BRDT: variants seen among roughly 807,000 people sequenced by gnomAD.
BRDT encodes the protein bromodomain testis associated, also known as bromodomain testis-specific protein.
In BRDT, 77 loss-of-function variants were observed where a neutral mutation model predicts 113.9. That is an observed-to-expected ratio of 0.68 (90% CI 0.56 to 0.82). The LOEUF (loss-of-function observed/expected upper bound fraction) is 0.82. Ranked by LOEUF, BRDT falls within the 40% of genes least tolerant of loss-of-function variation. The pLI is 0.00. For synonymous variants in BRDT, 358 were observed against 366.5 expected (o/e 0.98, Z 0.26); for missense variants, 1,027 against 1,105.4 (o/e 0.93, Z 1.01).
At chr1:91,992,664 T>C (rs890686493) in intron 14 of BRDT, among the ~76,000 whole-genome samples, 1 of 151,966 alleles carries the variant, frequency 6.6e-6, no homozygotes, top group Non-Finnish European at 1.5e-5. Flanking sequence ...GTCTCCGGAG[T>C]AGCTGAGACC....
At position 91,977,391 on chromosome 1, in the gene BRDT, A is replaced by G; in HGVS notation, c.967A>G (p.Lys323Glu). The G allele has an allele frequency of 1.3e-6, 2 of 1,549,974 alleles. No individual in the cohort carries two copies. Among genetic ancestry groups the G allele is most frequent in the Non-Finnish European group, 1.7e-6 (2 of 1,149,424 alleles). The change falls in exon 6 of 19, where the codon AAG becomes GAG. Residue 323 changes from lysine (K) to glutamate (E), a missense_variant and splice_region_variant. Transcript: ENST00000399546. ...AAATCCGATGGATCTTGGAACTATT[A>G]AGGTAAATGTTGCCTTAAAAGGAAG... Reference protein sequence around the residue: ...VKNPMDLGTIKEKMDNQEYKD... With the variant: ...VKNPMDLGTIEEKMDNQEYKD...
At chr1:91,968,816 A>G (rs1683328188) in intron 4 of BRDT, among the ~76,000 whole-genome samples, 1 of 152,220 alleles carries the variant, frequency 6.6e-6, no homozygotes, top group Non-Finnish European at 1.5e-5. Flanking sequence ...TCAAGAGTGT[A>G]GTAAATGTTG....
intron 18 of BRDT, among the ~76,000 whole-genome samples, chr1:92,007,761 A>G (rs1687455705): frequency 2.0e-5 from 3 of 152,162 alleles, no homozygotes; most frequent in Admixed American, 2.0e-4. Context: ...AGTTACTTCC[A>G]TTCCTCCCCG....
At chr1:92,005,503 TC>T (rs1216968412) in intron 18 of BRDT, among the ~76,000 whole-genome samples, 1 of 152,096 alleles carries the variant, frequency 6.6e-6, no homozygotes. Context: ...AGAGTATTGA[TC>T]CTGGAAGTAC....
intron 18 of BRDT, among the ~76,000 whole-genome samples, chr1:92,010,815 GCTT>G (rs1439637195): frequency 4.6e-5 from 7 of 152,100 alleles, no homozygotes; most frequent in Admixed American, 2.0e-4. Context: ...GTTTTAATGT[GCTT>G]CTCTGCTAAT....
chr1:91,963,697 T>C (rs1344393241), intron 2 of BRDT, among the ~76,000 whole-genome samples: 1 of 151,994 alleles, frequency 6.6e-6, no homozygotes, highest in Non-Finnish European at 1.5e-5. Context: ...GGAGTCAGAC[T>C]CCATAAAAAC....
At chr1:91,996,563 G>A (rs1327034447) in intron 15 of BRDT, among the ~76,000 whole-genome samples, 3 of 152,008 alleles carry the variant, frequency 2.0e-5, no homozygotes, top group Admixed American at 6.6e-5. Flanking sequence ...TTTATAATAG[G>A]GAAAAAATTG....
chr1:91,973,356 T>C (rs902471461), intron 4 of BRDT, among the ~76,000 whole-genome samples: 3 of 152,136 alleles, frequency 2.0e-5, no homozygotes, highest in Non-Finnish European at 4.4e-5. Flanking sequence ...GCATTGAATC[T>C]ATAAATTACC....
chr1:91,992,769 T>C (rs1252725169), intron 14 of BRDT, among the ~76,000 whole-genome samples: 1 of 152,142 alleles, frequency 6.6e-6, no homozygotes, highest in African/African-American at 2.4e-5. Context: ...CTCCAGACTT[T>C]AGGTGACCCA....
chr1:91,995,649 T>C (rs1174179616), intron 15 of BRDT, among the ~76,000 whole-genome samples: 1 of 151,120 alleles, frequency 6.6e-6, no homozygotes, highest in Non-Finnish European at 1.5e-5. Flanking sequence ...AGTTTTTTTT[T>C]TTTTTGAGAC....
rs144079555 is a variant in BRDT, at chr1:91,992,755, C to T, written c.2115+441C>T. 8.3e-3 allele frequency among the ~76,000 whole-genome samples: 1,271 copies of T among 152,234 alleles called. 19 individuals carry two copies. Among genetic ancestry groups the T allele is most frequent in the African/African-American group, 0.029 (1,201 of 41,530 alleles). ...TTCACCATGTTGGCCAAGCTGGTCT[C>T]GAACTCCAGACTTTAGGTGACCCAC... On this transcript the variant is annotated intron_variant, in intron 14 of 18. Coordinates refer to ENST00000399546, the MANE Select transcript of BRDT (RefSeq NM_207189.4).
chr1:92,007,900 CA>C (rs1687471445), intron 18 of BRDT, among the ~76,000 whole-genome samples: 1 of 132,454 alleles, frequency 7.5e-6, no homozygotes, highest in South Asian at 2.2e-4. Context: ...TTTATTTATT[CA>C]TTCATTCATT....
At chr1:91,957,855 T>C (rs1423861821) in intron 1 of BRDT, among the ~76,000 whole-genome samples, 2 of 152,216 alleles carry the variant, frequency 1.3e-5, no homozygotes, top group African/African-American at 2.4e-5. Flanking sequence ...GTTTTTGTTT[T>C]TGTTTTTGAG....
chr1:91,980,577 A>AT (rs1253984932), intron 8 of BRDT, 66 bp from the exon 9 acceptor site: 4 of 1,243,050 alleles, frequency 3.2e-6, no homozygotes, highest in South Asian at 2.4e-5. Flanking sequence ...GAGTGGCTTG[A>AT]TTTTTTTCTA....
At chr1:91,951,025 C>CA (rs199913164) in intron 1 of BRDT, among the ~76,000 whole-genome samples, 19,377 of 67,416 alleles carry the variant, frequency 0.29, 1,359 homozygotes, top group Non-Finnish European at 0.38. Context: ...GACTCCGTCT[C>CA]AAAAAAAAAA....
intron 1 of BRDT, among the ~76,000 whole-genome samples, chr1:91,955,233 A>G (rs185251632): frequency 1.3e-5 from 2 of 152,276 alleles, no homozygotes; most frequent in East Asian, 3.9e-4. Flanking sequence ...AGGCAGGTGG[A>G]TCACTTGAGG....
intron 15 of BRDT, among the ~76,000 whole-genome samples, chr1:91,999,737 C>T (rs1274540669): frequency 6.6e-6 from 1 of 152,140 alleles, no homozygotes; most frequent in African/African-American, 2.4e-5. Context: ...GCATCCATGA[C>T]TTCTAGTCTC....
chr1:91,966,900 C>T (rs112216207), intron 3 of BRDT, among the ~76,000 whole-genome samples: 2,383 of 152,200 alleles, frequency 0.016, 47 homozygotes, highest in African/African-American at 0.046. Context: ...GAAACCCTGT[C>T]TCTACTAAAA....
Position 91,962,836 on chromosome 1 carries a change from T to G in BRDT, c.82T>G (p.Leu28Val). The G allele has an allele frequency of 1.9e-6, 3 of 1,612,866 alleles. No homozygotes were observed. The South Asian group carries it at 3.3e-5, about 18-fold the overall frequency. Residue 28 changes from leucine to valine, a missense_variant, in exon 2 of 19, where the codon TTG (leucine) becomes GTG (valine). Physicochemically the swap from Leu to Val is conservative, Grantham distance 32. Transcript: ENST00000399546. Reference protein sequence around the residue: ...EYINTKKNGRLTNQLQYLQKV... With the variant: ...EYINTKKNGRVTNQLQYLQKV... ...TATAAATACTAAGAAAAATGGGCGA[T>G]TGACAAATCAACTTCAGTATCTACA...
Sources: gnomAD v4.1 joint callset for allele counts (sites outside exome capture counted in the v4.1 genomes callset) on GRCh38, gnomAD v4.1.1 for gene constraint, MANE v1.5 for transcripts, NCBI Gene and HGNC (gene_info 2026-07-23, HGNC 2026-07-21) for gene names.